Variants in CEP295 observed in about 807,000 individuals in gnomAD.
CEP295 encodes the protein centrosomal protein 295.
A neutral mutation model predicts 291.6 loss-of-function variants in CEP295; 190 were observed. The ratio of observed to expected loss-of-function variants is 0.65; its 90% CI spans 0.58 to 0.73. The LOEUF is 0.73. Among genes scored for constraint, CEP295 ranks in the 30% least tolerant of loss-of-function variants. The probability of loss-of-function intolerance (pLI) is 0.00; values close to 1 mark genes in which losing one functional copy is unlikely to be tolerated. For missense variants in CEP295, 2,863 were observed against 2,949.4 expected, an observed-to-expected ratio of 0.97 and a Z score of 0.68; for synonymous variants, 993 against 1,038.8, an observed-to-expected ratio of 0.96 and a Z score of 0.85.
chr11:93,718,406 G>A (rs1423610721), intron 18 of CEP295, among the ~76,000 whole-genome samples: 1 of 152,170 alleles, frequency 6.6e-6, no homozygotes, highest in Non-Finnish European at 1.5e-5. Flanking sequence ...CTTTCATTAT[G>A]TCACTTCCCC....
chr11:93,668,491 A>G (rs1361754240), intron 3 of CEP295, among the ~76,000 whole-genome samples: 1 of 152,168 alleles, frequency 6.6e-6, no homozygotes, highest in African/African-American at 2.4e-5. Flanking sequence ...TACCATGTTC[A>G]CAATTTTTGC....
chr11:93,696,916 A>G lies in CEP295; in HGVS notation c.2004A>G (p.Lys668=). ...CCATACAACCTATACAGACCTCCAA[A>G]TTAGAACAAGATCATTTTCAGGTAG... ...YQPIQPIQTS[K]LEQDHFQVAR... Residue 668 remains lysine, a synonymous_variant, in exon 15 of 30, where the codon AAA becomes AAG. Transcript: ENST00000325212. The G allele has an allele frequency of 1.3e-6, 2 of 1,552,084 alleles. No homozygotes were observed. Among genetic ancestry groups the G allele is most frequent in the Non-Finnish European group, 1.7e-6 (2 of 1,147,090 alleles).
In CEP295 at chr11:93,696,371, A is replaced by G. The variant is rs746681465; in HGVS notation, c.1723A>G (p.Arg575Gly). ...TGTAATTTCTGATGAAGATAGTCAT[A>G]GGCAGATGATTCGTAACTATCAACA... ...CPVISDEDSH[R>G]QMIRNYQHQL... Residue 575 changes from arginine (R) to glycine (G), a missense_variant, in exon 14 of 30, where the codon AGG (arginine) becomes GGG (glycine). Physicochemically the swap from Arg to Gly is moderately radical, Grantham distance 125 (BLOSUM62 -2). Around this residue, in one of 3 missense-constraint regions of CEP295, gnomAD observed 2,295 missense variants for 2,335.7 expected, o/e 0.98. Transcript: ENST00000325212. The G allele has an allele frequency of 6.4e-7, 1 of 1,550,750 alleles. No homozygotes were observed.
chr11:93,715,803 A>G (rs1392688069), intron 18 of CEP295, among the ~76,000 whole-genome samples: 6 of 152,070 alleles, frequency 3.9e-5, no homozygotes, highest in Non-Finnish European at 5.9e-5. Flanking sequence ...TAGTATGGGG[A>G]CCTCATAAGT....
At chr11:93,702,726 G>A (rs915651469) in intron 16 of CEP295, 50 bp from the exon 17 acceptor site, 38 of 1,541,124 alleles carry the variant, frequency 2.5e-5, no homozygotes, top group East Asian at 7.3e-5. Flanking sequence ...AAAGTTAGAA[G>A]TATGTTAATA....
chr11:93,701,100 A>G (rs1028757300), intron 15 of CEP295, among the ~76,000 whole-genome samples: 1 of 152,136 alleles, frequency 6.6e-6, no homozygotes, highest in Non-Finnish European at 1.5e-5. Flanking sequence ...ATGGTGACTC[A>G]GGCCTTATAA....
At position 93,729,426 on chromosome 11, in the gene CEP295, G is replaced by A. The variant is rs1938050269; in HGVS notation, c.7303-8G>A. The A allele has an allele frequency of 1.3e-6, 2 of 1,534,576 alleles. No individual in the cohort carries two copies. Among genetic ancestry groups the A allele is most frequent in the Admixed American group, 3.9e-5 (2 of 50,960 alleles). ...AAAGAGTAAAACATGCAACTTTCTT[G>A]CCATTAGGTGAGTGAGTTTCTGCCT... On this transcript the variant is annotated splice_polypyrimidine_tract_variant and splice_region_variant and intron_variant, in intron 25 of 29. Transcript: ENST00000325212.
chr11:93,675,581 T>TA lies in CEP295; in HGVS notation c.544dup (p.Arg182LysfsTer9). 6.7e-7 allele frequency: 1 copy of TA among 1,487,026 alleles called. No individual in the cohort carries two copies. Among genetic ancestry groups the TA allele is most frequent in the South Asian group, 1.3e-5 (1 of 74,648 alleles). 92.1% of individuals were successfully genotyped at this position (1,487,026 alleles called of 1,614,324 possible). On this transcript the variant is annotated frameshift_variant, in exon 6 of 30. Transcript: ENST00000325212. LOFTEE classifies it high-confidence loss of function. ...TGTTCTCTTTTCCAGAACATCGAAGTAAAAAGAATTTCTGCAGTCAAAACC... is the reference window on the plus strand; with the variant it reads ...TGTTCTCTTTTCCAGAACATCGAAGTAAAAAAGAATTTCTGCAGTCAAAACC...
Position 93,697,877 on chromosome 11 carries a change from G to C in CEP295, c.2965G>C (p.Glu989Gln), listed in dbSNP as rs963863446. 1.3e-6 allele frequency: 2 copies of C among 1,551,640 alleles called. No homozygotes were observed. Among genetic ancestry groups the C allele is most frequent in the South Asian group, 1.2e-5 (1 of 84,046 alleles). The change falls in exon 15 of 30, where the codon GAA (glutamate) becomes CAA (glutamine). Residue 989 changes from glutamate to glutamine, a missense_variant. Physicochemically the swap from Glu to Gln is conservative, Grantham distance 29. This residue lies in a region of CEP295 where 2,295 missense variants were observed against 2,335.7 expected (regional missense o/e 0.98). Transcript: ENST00000325212. Reference sequence around the variant, plus strand: ...TGAATTGGATAGAAGAGTATGTTCCGAACAGGCTGAGCCCTCTTTCCCATT... The same window carrying C: ...TGAATTGGATAGAAGAGTATGTTCCCAACAGGCTGAGCCCTCTTTCCCATT... ...QSELDRRVCS[E>Q]QAEPSFPFQV...
At chr11:93,685,459 G>C (rs1951183074) in intron 9 of CEP295, among the ~76,000 whole-genome samples, 2 of 152,184 alleles carry the variant, frequency 1.3e-5, no homozygotes, top group Non-Finnish European at 2.9e-5. Context: ...CCTCAAGTGA[G>C]GGCTCTAGGC....
chr11:93,704,020 C>T (rs1177804948), intron 17 of CEP295, among the ~76,000 whole-genome samples: 2 of 151,948 alleles, frequency 1.3e-5, no homozygotes, highest in Non-Finnish European at 1.5e-5. Flanking sequence ...CCGCCCGCCT[C>T]GGCCTCCCAA....
chr11:93,700,427 T>C (rs1202645934), intron 15 of CEP295, among the ~76,000 whole-genome samples: 2 of 116,562 alleles, frequency 1.7e-5, no homozygotes, highest in Non-Finnish European at 1.6e-5. Context: ...TTGTTTTTGC[T>C]TTTTTTTTTT....
chr11:93,719,244 G>A (rs200221814), intron 18 of CEP295, among the ~76,000 whole-genome samples: 2 of 121,440 alleles, frequency 1.6e-5, no homozygotes, highest in South Asian at 2.9e-4. Context: ...TTTTTTTTCC[G>A]GGTTTTTTTT....
intron 24 of CEP295, chr11:93,727,884 T>G: frequency 2.7e-6 from 1 of 369,636 alleles, no homozygotes. Context: ...TTGTGATCAC[T>G]AGAAATATCC....
At chr11:93,669,995 A>G (rs1264159251) in intron 5 of CEP295, among the ~76,000 whole-genome samples, 2 of 152,160 alleles carry the variant, frequency 1.3e-5, no homozygotes, top group African/African-American at 4.8e-5. Flanking sequence ...TTTTCTTAGT[A>G]TAATACTAAT....
In CEP295 at chr11:93,699,223, A is replaced by G. The variant is rs767594491; in HGVS notation, c.4311A>G (p.Thr1437=). The stretch of plus-strand genomic sequence containing the variant: ...CCTCAGGTCACTCAGAGATACCAAC[A>G]TTGCCTGATGGGCTGTTGGGTTTAT... ...IVSSGHSEIP[T]LPDGLLGLSH... The change falls in exon 15 of 30, where the codon ACA becomes ACG. Residue 1437 remains threonine (T), a synonymous_variant. Coordinates refer to ENST00000325212, the MANE Select transcript of CEP295 (RefSeq NM_033395.2). 6 of 1,551,874 alleles carry G rather than the reference A, an allele frequency of 3.9e-6. No homozygotes were observed. In the South Asian group the frequency reaches 7.1e-5, roughly 18 times the overall value.
Position 93,725,761 on chromosome 11 carries a change from G to GA in CEP295, c.6431dup (p.Asn2144LysfsTer5), listed in dbSNP as rs1954090352. 1 of 1,551,664 alleles carries GA rather than the reference G, an allele frequency of 6.4e-7. No individual in the cohort carries two copies. The highest frequency in any genetic ancestry group is 2.4e-5 in the East Asian group (1 of 40,896). On this transcript the variant is annotated frameshift_variant, in exon 23 of 30. Coordinates refer to ENST00000325212, the MANE Select transcript of CEP295 (RefSeq NM_033395.2). LOFTEE classifies it high-confidence loss of function. ...TGCATTCTTCTCTTAACACAAGTCC[G>GA]AATCAACAACCTGACACTAACTTGG...
At position 93,699,064 on chromosome 11, in the gene CEP295, G is replaced by C. The variant is rs369064086; in HGVS notation, c.4152G>C (p.Glu1384Asp). Residue 1384 changes from glutamate to aspartate, a missense_variant, in exon 15 of 30, where the codon GAG becomes GAC. Glu to Asp is a conservative substitution (Grantham distance 45). This residue lies in a region of CEP295 where 2,295 missense variants were observed against 2,335.7 expected (regional missense o/e 0.98). Transcript: ENST00000325212. The stretch of plus-strand genomic sequence containing the variant: ...TACTTTTACATCAGAGTGAATGGGA[G>C]GGAAGAATATCTCCCGAGCAGGTTG... Reference protein sequence around the residue: ...EELLLHQSEWEGRISPEQVDT... With the variant: ...EELLLHQSEWDGRISPEQVDT... 1 of 1,546,124 alleles carries C rather than the reference G, an allele frequency of 6.5e-7. No individual in the cohort carries two copies.
chr11:93,719,193 C>G (rs1019215415), intron 18 of CEP295, among the ~76,000 whole-genome samples: 15 of 149,630 alleles, frequency 1.0e-4, no homozygotes, highest in African/African-American at 3.4e-4. Context: ...AATATCTGTA[C>G]TTACATACAG....
Sources: allele counts gnomAD v4.1 joint callset (sites outside exome capture counted in the v4.1 genomes callset), GRCh38; gene constraint gnomAD v4.1.1; regional missense constraint gnomAD v4.1.1; transcripts MANE v1.5; gene names NCBI Gene and HGNC (gene_info 2026-07-23, HGNC 2026-07-21).